SNX13: variants seen among roughly 807,000 people sequenced by gnomAD.
SNX13 encodes sorting nexin-13.
Under a neutral mutation model 133.6 loss-of-function variants are expected in SNX13, and 45 were observed. That is an observed-to-expected ratio of 0.34 (90% confidence interval 0.27 to 0.43). The LOEUF (loss-of-function observed/expected upper bound fraction) is 0.43. Among genes scored for constraint, SNX13 ranks in the 20% least tolerant of loss-of-function variants. The probability of loss-of-function intolerance (pLI) is 1.00; values close to 1 mark genes in which losing one functional copy is unlikely to be tolerated. For synonymous variants in SNX13, 414 were observed against 373.9 expected (o/e 1.11, Z -1.24); for missense variants, 1,032 against 1,145.1 (o/e 0.90, Z 1.43).
At chr7:17,854,274 T>C (rs190283006) in intron 9 of SNX13, among the ~76,000 whole-genome samples, 1 of 152,244 alleles carries the variant, frequency 6.6e-6, no homozygotes, top group Non-Finnish European at 1.5e-5. Context: ...ATATTTCATA[T>C]GAGGTGATAA....
chr7:17,893,666 T>C (rs1348051416), intron 2 of SNX13, among the ~76,000 whole-genome samples: 1 of 152,148 alleles, frequency 6.6e-6, no homozygotes, highest in African/African-American at 2.4e-5. Flanking sequence ...TTTAATCCAA[T>C]ATATTTCCTA....
chr7:17,839,092 C>A (rs1388051411), intron 13 of SNX13, among the ~76,000 whole-genome samples: 2 of 149,406 alleles, frequency 1.3e-5, no homozygotes, highest in African/African-American at 2.4e-5. Flanking sequence ...AGTTCTAAAG[C>A]AATTCTATTC....
chr7:17,799,523 C>T (rs1188107925), intron 22 of SNX13, among the ~76,000 whole-genome samples: 3 of 151,632 alleles, frequency 2.0e-5, no homozygotes, highest in Admixed American at 2.0e-4. Flanking sequence ...ATCTTTTTCA[C>T]AAGAATAAGA....
chr7:17,835,722 G>A (rs1165998174), intron 13 of SNX13, among the ~76,000 whole-genome samples: 2 of 151,666 alleles, frequency 1.3e-5, no homozygotes, highest in African/African-American at 4.8e-5. Context: ...TAAAGAACAG[G>A]TAGATAAATC....
intron 5 of SNX13, among the ~76,000 whole-genome samples, chr7:17,879,254 C>T (rs1795078411): frequency 2.0e-5 from 3 of 152,210 alleles, no homozygotes; most frequent in Admixed American, 2.0e-4. Flanking sequence ...GCTGGAATGC[C>T]ATGACTCTTC....
chr7:17,871,283 G>A (rs1421741244), intron 8 of SNX13, among the ~76,000 whole-genome samples: 1 of 152,158 alleles, frequency 6.6e-6, no homozygotes, highest in Admixed American at 6.5e-5. Flanking sequence ...GGGATCACAG[G>A]CGTGAGCCAC....
chr7:17,859,025 A>C (rs988233124), intron 9 of SNX13, among the ~76,000 whole-genome samples: 3 of 152,148 alleles, frequency 2.0e-5, no homozygotes, highest in African/African-American at 7.2e-5. Context: ...TAACTTGGTA[A>C]TCTTCAAACA....
In SNX13 at chr7:17,799,172, A is replaced by G; in HGVS notation, c.2299-18T>C. 3.8e-6 allele frequency: 6 copies of G among 1,579,752 alleles called. No individual in the cohort carries two copies. The highest frequency in any genetic ancestry group is 3.5e-5 in the South Asian group (3 of 85,180). On this transcript the variant is annotated intron_variant, in intron 22 of 25. Coordinates refer to ENST00000428135, the MANE Select transcript of SNX13 (RefSeq NM_015132.5). ...TCATCCACCTGACAAAATATAAGAA[A>G]TAAGAATAAGTTTGAGTTAGCTATC...
At position 17,868,113 on chromosome 7, in the gene SNX13, A is replaced by G. The variant is rs1664092256; in HGVS notation, c.837+294T>C. Among the ~76,000 whole-genome samples the G allele has an allele frequency of 2.0e-5, 3 of 152,182 alleles. No homozygotes were observed. In the South Asian group the frequency reaches 6.2e-4, roughly 31 times the overall value. On this transcript the variant is annotated intron_variant, in intron 9 of 25. Transcript: ENST00000428135. Reference sequence around the variant, plus strand: ...TGTATTTAAAAATCAAATAGTAGCCATTAAAAATACTCATCATCTATAGAC... The same window carrying G: ...TGTATTTAAAAATCAAATAGTAGCCGTTAAAAATACTCATCATCTATAGAC...
chr7:17,804,244 C>CA (rs1233206298), intron 20 of SNX13, among the ~76,000 whole-genome samples: 5 of 152,130 alleles, frequency 3.3e-5, no homozygotes, highest in African/African-American at 1.2e-4. Context: ...GAAATTGATG[C>CA]AACTAGAATT....
chr7:17,939,322 A>G (rs1802482047), intron 1 of SNX13, among the ~76,000 whole-genome samples: 1 of 152,342 alleles, frequency 6.6e-6, no homozygotes, highest in East Asian at 1.9e-4. Flanking sequence ...TCCTCACGTC[A>G]GGATCCTCAC....
At chr7:17,914,191 T>G (rs1336804437) in intron 1 of SNX13, among the ~76,000 whole-genome samples, 1 of 134,994 alleles carries the variant, frequency 7.4e-6, no homozygotes, top group Non-Finnish European at 1.6e-5. Context: ...AAAAAAGAAT[T>G]TAAGGAAATG....
At chr7:17,840,987 C>T (rs1042086280) in intron 12 of SNX13, among the ~76,000 whole-genome samples, 11 of 152,020 alleles carry the variant, frequency 7.2e-5, no homozygotes, top group Admixed American at 1.3e-4. Context: ...GCTACCATTC[C>T]CCACTCTCAG....
chr7:17,846,272 C>G (rs1452279242), intron 11 of SNX13, among the ~76,000 whole-genome samples: 2 of 151,514 alleles, frequency 1.3e-5, no homozygotes, highest in African/African-American at 4.8e-5. Flanking sequence ...AAATTGCGTC[C>G]AAAATTTAAA....
intron 2 of SNX13, among the ~76,000 whole-genome samples, chr7:17,894,504 T>C (rs1796993776): frequency 6.6e-6 from 1 of 152,026 alleles, no homozygotes; most frequent in African/African-American, 2.4e-5. Context: ...AAATCTAATC[T>C]ATGATTTGTT....
Position 17,796,998 on chromosome 7 carries a change from G to C in SNX13, c.2514-59C>G, listed in dbSNP as rs1159747004. ...TTTTCATTTTCTAATGATACAAGTT[G>C]ATAAAATTATTTCAAATTTCTACAG... is the stretch of plus-strand genomic sequence containing the variant. On this transcript the variant is annotated intron_variant, in intron 24 of 25. Transcript: ENST00000428135. The C allele has an allele frequency of 2.4e-6, 3 of 1,254,064 alleles. No individual in the cohort carries two copies. In the African/African-American group the frequency reaches 4.5e-5, roughly 19 times the overall value. 77.7% of individuals were successfully genotyped at this position (1,254,064 alleles called of 1,614,324 possible). A position where few individuals can be genotyped will look rare whatever the true frequency, so the allele number is the denominator to read the frequency against.
Position 17,791,805 on chromosome 7 carries a change from A to G in SNX13, c.*2240T>C, listed in dbSNP as rs1192928712. On this transcript the variant is annotated 3_prime_UTR_variant, in exon 26 of 26. Transcript: ENST00000428135. ...CCAAGTCATTCAAAAAGTTATCTCT[A>G]ATTTTAGCATGACCACAGCTCTTTC... 2 of 152,090 alleles carry G rather than the reference A, an allele frequency of 1.3e-5. No homozygotes were observed. The highest frequency in any genetic ancestry group is 2.9e-5 in the Non-Finnish European group (2 of 67,966). 9.4% of individuals were successfully genotyped at this position (152,090 alleles called of 1,614,324 possible). A position where few individuals can be genotyped will look rare whatever the true frequency, so the allele number is the denominator to read the frequency against.
intron 5 of SNX13, chr7:17,880,990 C>T (rs10242866): frequency 0.5 from 75,710 of 151,690 alleles, 20,541 homozygotes; most frequent in African/African-American, 0.72. Context: ...AGGGTGATCG[C>T]TTGGCAGTAA....
Position 17,890,592 on chromosome 7 carries a change from C to A in SNX13, c.319-108G>T, listed in dbSNP as rs768795297. The A allele has an allele frequency of 4.2e-5, 29 of 691,088 alleles. No individual in the cohort carries two copies. The African/African-American group carries it at 5.0e-4, about 12-fold the overall frequency. The allele number at this position is 691,088 out of a possible 1,614,324, so 42.8% of individuals were successfully genotyped here. On this transcript the variant is annotated intron_variant, in intron 4 of 25. Coordinates refer to ENST00000428135, the MANE Select transcript of SNX13 (RefSeq NM_015132.5). ...TCTACCAATTTATATTTACTCTCTA[C>A]GTATTAATTTATGGTGGTAAATACC...
Sources: gnomAD v4.1 joint callset for allele counts (sites outside exome capture counted in the v4.1 genomes callset) on GRCh38, gnomAD v4.1.1 for gene constraint, MANE v1.5 for transcripts, NCBI Gene and HGNC (gene_info 2026-07-23, HGNC 2026-07-21) for gene names.